The following FBXO27 variants were observed in gnomAD, a reference collection of about 807,000 sequenced individuals.
FBXO27 encodes the protein F-box only protein 27.
In FBXO27, 28 loss-of-function variants were observed where a neutral mutation model predicts 28.3. The ratio of observed to expected loss-of-function variants is 0.99; its 90% CI spans 0.73 to 1.36. The LOEUF is 1.36. FBXO27 is among the 40% of genes most tolerant of loss of function. The pLI, the probability that FBXO27 is intolerant of heterozygous loss-of-function variation, is 0.00. For synonymous variants in FBXO27, 175 were observed against 167.3 expected, an observed-to-expected ratio of 1.05 and a Z score of -0.36; for missense variants, 388 against 394.1, an observed-to-expected ratio of 0.98 and a Z score of 0.13.
chr19:39,022,275 C>G (rs1168853342), downstream of FBXO27, among the ~76,000 whole-genome samples: 3 of 149,170 alleles, frequency 2.0e-5, no homozygotes, highest in Non-Finnish European at 3.0e-5. Flanking sequence ...GCTGAGACTA[C>G]AGGCACACGC....
At chr19:39,014,177 A>C (rs2072808917) in intron 2 of FBXO27, among the ~76,000 whole-genome samples, 1 of 152,192 alleles carries the variant, frequency 6.6e-6, no homozygotes, top group Non-Finnish European at 1.5e-5. Context: ...TTTTTAATTT[A>C]GCACAGCACA....
chr19:39,032,082 C>A lies in FBXO27; in HGVS notation c.146G>T (p.Arg49Leu). 1 of 1,531,940 alleles carries A rather than the reference C, an allele frequency of 6.5e-7. No individual in the cohort carries two copies. Among genetic ancestry groups the A allele is most frequent in the Non-Finnish European group, 8.7e-7 (1 of 1,145,644 alleles). The allele number at this position is 1,531,940 out of a possible 1,614,324, so 94.9% of individuals were successfully genotyped here. ...SHVPPRTLLG[R>L]CRQVCRGWRA... The stretch of plus-strand genomic sequence containing the variant: ...CCAGCCCCGGCACACTTGGCGGCAG[C>A]GCCCGAGCAGCGTGCGCGGGGGGAC... Residue 49 changes from arginine (R) to leucine (L), a missense_variant, in exon 2 of 6, where the codon CGC becomes CTC. Physicochemically the swap from Arg to Leu is moderately radical, Grantham distance 102. Transcript: ENST00000292853. The surrounding 1 kb of genome is among the most constrained non-coding windows in gnomAD (Gnocchi z 4.7).
At position 39,031,928 on chromosome 19, in the gene FBXO27, G is replaced by T; in HGVS notation, c.300C>A (p.Pro100=). The T allele has an allele frequency of 6.6e-7, 1 of 1,511,162 alleles. No homozygotes were observed. 93.6% of individuals were successfully genotyped at this position (1,511,162 alleles called of 1,614,324 possible). The change falls in exon 2 of 6, where the codon CCC becomes CCA. Residue 100 remains proline, a synonymous_variant. Transcript: ENST00000292853. ...GTCTGCGCGCGCAGAAGCGGCCCAGGGGGCAAGGCCTGGCGTTACGGGCGG... is the reference window on the plus strand; with the variant it reads ...GTCTGCGCGCGCAGAAGCGGCCCAGTGGGCAAGGCCTGGCGTTACGGGCGG... ...QSPARNARPC[P]LGRFCARRPI... is the part of the protein sequence containing the mutation.
intron 1 of FBXO27, among the ~76,000 whole-genome samples, chr19:39,017,475 C>G (rs1030815395): frequency 2.0e-5 from 3 of 152,050 alleles, no homozygotes; most frequent in Non-Finnish European, 2.9e-5. Flanking sequence ...GGGTGGATCA[C>G]CTGAGGTCAG....
chr19:39,006,038 T>C (rs2144876467), intron 2 of FBXO27, among the ~76,000 whole-genome samples: 1 of 152,318 alleles, frequency 6.6e-6, no homozygotes, highest in Middle Eastern at 3.4e-3. Context: ...GAAAAGTCTC[T>C]TTGGTGATAT....
chr19:39,023,561 A>G (rs2072855732), downstream of FBXO27, among the ~76,000 whole-genome samples: 4 of 151,822 alleles, frequency 2.6e-5, no homozygotes, highest in South Asian at 8.3e-4. Flanking sequence ...CACTCACCAA[A>G]ATCAGCCAGG....
In FBXO27 at chr19:39,025,202, G is replaced by A; in HGVS notation, c.*209C>T. ...AGTAGGGCCCCCCCGCAAAGCAGCA[G>A]CTGCAGTAGGTAGATAAGATGGAAG... On this transcript the variant is annotated 3_prime_UTR_variant, in exon 6 of 6. Transcript: ENST00000292853. The A allele has an allele frequency of 1.7e-6, 1 of 605,894 alleles. No individual in the cohort carries two copies. The highest frequency in any genetic ancestry group is 2.7e-6 in the Non-Finnish European group (1 of 366,908). The allele number at this position is 605,894 out of a possible 1,614,324, so 37.5% of individuals were successfully genotyped here. A position where few individuals can be genotyped will look rare whatever the true frequency, so the allele number is the denominator to read the frequency against.
At chr19:39,016,547 T>C (rs547304760) in intron 1 of FBXO27, among the ~76,000 whole-genome samples, 1 of 148,134 alleles carries the variant, frequency 6.8e-6, no homozygotes, top group South Asian at 2.1e-4. Flanking sequence ...AACTCAGGAG[T>C]TCGAGACCAG....
chr19:39,016,032 A>G (rs1216100354), intron 1 of FBXO27, among the ~76,000 whole-genome samples: 1 of 152,178 alleles, frequency 6.6e-6, no homozygotes, highest in Non-Finnish European at 1.5e-5. Flanking sequence ...AGATCATGCC[A>G]CTGCACTCTA....
intron 2 of FBXO27, among the ~76,000 whole-genome samples, chr19:39,013,964 G>C (rs1309982816): frequency 6.6e-6 from 1 of 152,152 alleles, no homozygotes; most frequent in Non-Finnish European, 1.5e-5. Context: ...AGTGAGCTGA[G>C]ATCACGCCAC....
At chr19:39,030,105 G>T (rs1323743411) in intron 4 of FBXO27, among the ~76,000 whole-genome samples, 2 of 152,102 alleles carry the variant, frequency 1.3e-5, no homozygotes, top group East Asian at 3.9e-4. Context: ...GCCTCCCAGA[G>T]TGCTGGGATT....
chr19:39,009,460 CTTTTTTTCTTT>C (rs1054510964), intron 2 of FBXO27, among the ~76,000 whole-genome samples: 1 of 152,056 alleles, frequency 6.6e-6, no homozygotes, highest in Admixed American at 6.6e-5. Flanking sequence ...CTGTTTTCTT[CTTTTTTTCTTT>C]TTGCTCATAT....
chr19:39,023,240 G>A (rs189258561), downstream of FBXO27, among the ~76,000 whole-genome samples: 77 of 152,264 alleles, frequency 5.1e-4, no homozygotes, highest in Non-Finnish European at 6.5e-4. Context: ...CCAGCCTCCC[G>A]AATATTTCCA....
intron 1 of FBXO27, among the ~76,000 whole-genome samples, chr19:39,017,459 C>T (rs971036920): frequency 1.3e-5 from 2 of 151,242 alleles, no homozygotes; most frequent in Non-Finnish European, 3.0e-5. Flanking sequence ...TTTGGGAGGC[C>T]GAGGAGGGTG....
intron 2 of FBXO27, among the ~76,000 whole-genome samples, chr19:39,009,332 T>A (rs551108636): frequency 6.6e-6 from 1 of 152,264 alleles, no homozygotes; most frequent in Non-Finnish European, 1.5e-5. Flanking sequence ...TGTCATGCAG[T>A]AGAATTCTAC....
At chr19:39,026,054 T>C (rs528231869) in intron 5 of FBXO27, among the ~76,000 whole-genome samples, 6 of 152,002 alleles carry the variant, frequency 3.9e-5, no homozygotes, top group Admixed American at 6.6e-5. Context: ...CCCTTCCCCA[T>C]GAATCAAGGT....
At chr19:39,031,822 A>T in intron 2 of FBXO27, 42 bp downstream of exon 2, 2 of 1,437,848 alleles carry the variant, frequency 1.4e-6, no homozygotes, top group Admixed American at 2.8e-5. Context: ...TACCGCTCCC[A>T]CTGTGGCCCA....
In FBXO27 at chr19:39,025,270, T is replaced by C; in HGVS notation, c.*141A>G. The C allele has an allele frequency of 8.6e-7, 1 of 1,163,422 alleles. No homozygotes were observed. The highest frequency in any genetic ancestry group is 1.2e-6 in the Non-Finnish European group (1 of 827,796). The allele number at this position is 1,163,422 out of a possible 1,614,324, so 72.1% of individuals were successfully genotyped here. On this transcript the variant is annotated 3_prime_UTR_variant, in exon 6 of 6. Transcript: ENST00000292853. The stretch of plus-strand genomic sequence containing the variant: ...TTCTAGAACCTGAAGACAGGGCCCG[T>C]CAGGGCCTTTGATTGGACCCAGGAA...
Position 39,032,382 on chromosome 19 carries a change from C to T in FBXO27, c.-27+121G>A. 3.6e-6 allele frequency: 4 copies of T among 1,123,730 alleles called. No individual in the cohort carries two copies. Among genetic ancestry groups the T allele is most frequent in the Non-Finnish European group, 4.7e-6 (4 of 850,246 alleles). 69.6% of individuals were successfully genotyped at this position (1,123,730 alleles called of 1,614,324 possible). A position where few individuals can be genotyped will look rare whatever the true frequency, so the allele number is the denominator to read the frequency against. On this transcript the variant is annotated intron_variant, in intron 1 of 5. Transcript: ENST00000292853. The surrounding 1 kb of genome is among the most constrained non-coding windows in gnomAD (Gnocchi z 4.7). ...CTGGGCCCCGTCCCCAAGTCCCCAT[C>T]CCCCAGCCCGTCCTTGATAGCCCCG...
Sources: allele counts gnomAD v4.1 joint callset (sites outside exome capture counted in the v4.1 genomes callset), GRCh38; gene constraint gnomAD v4.1.1; non-coding constraint Gnocchi (gnomAD v3.1); transcripts MANE v1.5; gene names NCBI Gene and HGNC (gene_info 2026-07-23, HGNC 2026-07-21).